TCTN2: variants seen among roughly 807,000 people sequenced by gnomAD.
TCTN2 encodes tectonic family member 2.
In TCTN2, 66 loss-of-function variants were observed where a neutral mutation model predicts 83.4. The ratio of observed to expected loss-of-function variants is 0.79; its 90% CI spans 0.65 to 0.97. The LOEUF is 0.97. TCTN2 is among the 50% of genes least tolerant of loss of function. The pLI, the probability that TCTN2 is intolerant of heterozygous loss-of-function variation, is 0.00. For synonymous variants in TCTN2, 301 were observed against 326.7 expected, an observed-to-expected ratio of 0.92 and a Z score of 0.85; for missense variants, 794 against 858.1, an observed-to-expected ratio of 0.93 and a Z score of 0.93.
Position 123,706,797 on chromosome 12 carries a change from G to C in TCTN2, c.1841G>C (p.Ser614Thr), listed in dbSNP as rs1345289211. Residue 614 changes from serine (S) to threonine (T), a missense_variant, in exon 16 of 18, where the codon AGT (serine) becomes ACT (threonine). By Grantham distance (58) the Ser-to-Thr change is moderately conservative. Coordinates refer to ENST00000303372, the MANE Select transcript of TCTN2 (RefSeq NM_024809.5). ...CEHKADLLPI[S>T]ASVQFIKIPA... ...CACAAGGCCGACCTTCTCCCTATCA[G>C]TGCATCCGTCCAGTTTATTAAAATT... is the stretch of plus-strand genomic sequence containing the variant. 8.1e-6 allele frequency: 13 copies of C among 1,614,158 alleles called. No individual in the cohort carries two copies. Among genetic ancestry groups the C allele is most frequent in the Non-Finnish European group, 1.0e-5 (12 of 1,180,036 alleles).
At chr12:123,707,254 C>G in intron 17 of TCTN2, 181 bp downstream of exon 17, 2 of 651,424 alleles carry the variant, frequency 3.1e-6, no homozygotes, top group East Asian at 5.5e-5. Flanking sequence ...TCTACCTACA[C>G]TGTTTTTTTT....
At chr12:123,696,307 T>C (rs1453719070) in intron 11 of TCTN2, 108 bp from the exon 12 acceptor site, 1 of 932,486 alleles carries the variant, frequency 1.1e-6, no homozygotes, top group Admixed American at 1.8e-5. Flanking sequence ...TTCGAAAGCT[T>C]CGCCTATGTG....
At chr12:123,674,587 C>T (rs756605584) in intron 4 of TCTN2, among the ~76,000 whole-genome samples, 2 of 152,118 alleles carry the variant, frequency 1.3e-5, no homozygotes, top group Admixed American at 6.6e-5. Context: ...ATTGTCATGA[C>T]TGCATCTTAA....
chr12:123,698,562 C>T (rs1956137197), intron 13 of TCTN2, among the ~76,000 whole-genome samples: 1 of 151,806 alleles, frequency 6.6e-6, no homozygotes, highest in East Asian at 1.9e-4. Flanking sequence ...TTCACCCTCC[C>T]GAGTATCTTG....
At chr12:123,673,855 C>A (rs772903511) in intron 4 of TCTN2, 45 bp downstream of exon 4, 13 of 1,584,188 alleles carry the variant, frequency 8.2e-6, no homozygotes, top group Non-Finnish European at 1.0e-5. Context: ...TTGTTCCCAG[C>A]TACTTAGGAG....
chr12:123,673,871 G>A, intron 4 of TCTN2, 61 bp downstream of exon 4: 3 of 1,547,132 alleles, frequency 1.9e-6, no homozygotes, highest in South Asian at 1.1e-5. Context: ...AGGAGGAAGA[G>A]GTAGGAGGAT....
At chr12:123,694,297 T>G (rs1471263394) in intron 9 of TCTN2, among the ~76,000 whole-genome samples, 2 of 152,158 alleles carry the variant, frequency 1.3e-5, no homozygotes, top group African/African-American at 4.8e-5. Context: ...CCGGCCTAAT[T>G]TTTGTATTTT....
At position 123,696,511 on chromosome 12, in the gene TCTN2, CATT is replaced by C. The variant is rs1419223982; in HGVS notation, c.1393+19_1393+21del. 2 of 1,606,804 alleles carry C rather than the reference CATT, an allele frequency of 1.2e-6. No individual in the cohort carries two copies. Among genetic ancestry groups the C allele is most frequent in the East Asian group, 2.2e-5 (1 of 44,872 alleles). ...TGGCAATCGGGTAATCCGGTTTGGT[CATT>C]ATGATTAGCCCTTTGGCAAATTGGT... On this transcript the variant is annotated intron_variant, in intron 12 of 17. Transcript: ENST00000303372.
intron 8 of TCTN2, among the ~76,000 whole-genome samples, chr12:123,691,314 C>A (rs1956038353): frequency 6.6e-6 from 1 of 152,204 alleles, no homozygotes; most frequent in Non-Finnish European, 1.5e-5. Context: ...TACCCCTCTT[C>A]CCTCAGCTCC....
chr12:123,706,277 C>A (rs1956228668), intron 15 of TCTN2, among the ~76,000 whole-genome samples: 1 of 152,172 alleles, frequency 6.6e-6, no homozygotes, highest in Non-Finnish European at 1.5e-5. Context: ...GCAGTTACCA[C>A]CTCCGCAGTA....
chr12:123,694,763 C>T (rs1165128913), intron 9 of TCTN2, 79 bp from the exon 10 acceptor site: 14 of 1,536,284 alleles, frequency 9.1e-6, no homozygotes, highest in Non-Finnish European at 1.3e-5. Flanking sequence ...GAAGGCCACG[C>T]AAGCAGAGAG....
chr12:123,671,139 T>G lies in TCTN2; in HGVS notation c.-102T>G. The G allele has an allele frequency of 8.6e-7, 1 of 1,166,102 alleles. No homozygotes were observed. Among genetic ancestry groups the G allele is most frequent in the East Asian group, 2.5e-5 (1 of 39,302 alleles). 72.2% of individuals were successfully genotyped at this position (1,166,102 alleles called of 1,614,324 possible). ...TAGCTCCGGGCGTTCGCTTGCAAGA[T>G]GGCGGCGGCGGGGCAGTGGCTGCTG... is the stretch of plus-strand genomic sequence containing the variant. On this transcript the variant is annotated 5_prime_UTR_variant, in exon 1 of 18. The change abolishes an upstream ATG in the 5' untranslated region. Coordinates refer to ENST00000303372, the MANE Select transcript of TCTN2 (RefSeq NM_024809.5).
At chr12:123,675,476 G>A (rs1955809800) in intron 4 of TCTN2, among the ~76,000 whole-genome samples, 1 of 152,120 alleles carries the variant, frequency 6.6e-6, no homozygotes, top group Non-Finnish European at 1.5e-5. Context: ...CTCCTTTACT[G>A]CCGCTTCCCT....
Position 123,707,182 on chromosome 12 carries a change from A to G in TCTN2, c.1984+109A>G, listed in dbSNP as rs527254803. On this transcript the variant is annotated intron_variant, in intron 17 of 17. Coordinates refer to ENST00000303372, the MANE Select transcript of TCTN2 (RefSeq NM_024809.5). ...GCATAAAACATATAGAAACTTAAAA[A>G]AAAGTACGGATAATATTGCCACTTG... 2.2e-5 allele frequency: 21 copies of G among 953,198 alleles called. No individual in the cohort carries two copies. The East Asian group carries it at 5.5e-4, about 25-fold the overall frequency. 59.0% of individuals were successfully genotyped at this position (953,198 alleles called of 1,614,324 possible). A position where few individuals can be genotyped will look rare whatever the true frequency, so the allele number is the denominator to read the frequency against.
chr12:123,695,063 A>T (rs1226333673), intron 10 of TCTN2, 87 bp downstream of exon 10: 6 of 1,561,722 alleles, frequency 3.8e-6, no homozygotes, highest in Admixed American at 1.7e-5. Context: ...ATAACCCATA[A>T]AACTAAGTTG....
Position 123,686,986 on chromosome 12 carries a change from T to A in TCTN2, c.715T>A (p.Ser239Thr). The change falls in exon 6 of 18, where the codon TCC becomes ACC. Residue 239 changes from serine to threonine, a missense_variant. By Grantham distance (58) the Ser-to-Thr change is moderately conservative. Transcript: ENST00000303372. The stretch of plus-strand genomic sequence containing the variant: ...TTGGTTTCCCTTTCTGTGTGTGCAG[T>A]CCCCCCTTGCCAACACACCCTTCCT... ...PDWFPFLCVQ[S>T]PLANTPFLGY... 1.9e-6 allele frequency: 3 copies of A among 1,614,028 alleles called. No homozygotes were observed. Among genetic ancestry groups the A allele is most frequent in the Non-Finnish European group, 2.5e-6 (3 of 1,180,028 alleles).
At chr12:123,688,232 A>C in intron 7 of TCTN2, 55 bp downstream of exon 7, 2 of 1,087,998 alleles carry the variant, frequency 1.8e-6, no homozygotes, top group Admixed American at 4.2e-5. Context: ...TTTTTTTTTT[A>C]TGAGACGGAG....
At chr12:123,676,877 G>A (rs899855232) in intron 4 of TCTN2, among the ~76,000 whole-genome samples, 1 of 152,244 alleles carries the variant, frequency 6.6e-6, no homozygotes, top group Admixed American at 6.5e-5. Context: ...ACCCTATTCT[G>A]AAGTGTCTCG....
chr12:123,691,353 C>T (rs938431666), intron 8 of TCTN2, among the ~76,000 whole-genome samples: 31 of 152,266 alleles, frequency 2.0e-4, no homozygotes, highest in Admixed American at 2.6e-4. Context: ...TTTCTGTCTC[C>T]GTGGATTGCT....
Sources: allele counts gnomAD v4.1 joint callset (sites outside exome capture counted in the v4.1 genomes callset), GRCh38; gene constraint gnomAD v4.1.1; transcripts MANE v1.5; gene names NCBI Gene and HGNC (gene_info 2026-07-23, HGNC 2026-07-21).